The following DUSP10 variants were observed in gnomAD, a reference collection of about 807,000 sequenced individuals.
DUSP10 encodes the protein dual specificity protein phosphatase 10.
A neutral mutation model predicts 30.8 loss-of-function variants in DUSP10; 14 were observed. The ratio of observed to expected loss-of-function variants is 0.46; its 90% CI spans 0.30 to 0.71. The LOEUF is 0.71. DUSP10 is among the 30% of genes least tolerant of loss of function. The pLI, the probability that DUSP10 is intolerant of heterozygous loss-of-function variation, is 0.08. For missense variants in DUSP10, 550 were observed against 619.4 expected (o/e 0.89, Z 1.19); for synonymous variants, 254 against 250.4 (o/e 1.01, Z -0.14).
chr1:221,721,814 C>T (rs906625754), intron 2 of DUSP10, among the ~76,000 whole-genome samples: 5 of 152,138 alleles, frequency 3.3e-5, no homozygotes, highest in Admixed American at 2.6e-4. Flanking sequence ...GAGGGGCCCT[C>T]AATTCAGTTT....
chr1:221,740,040 C>G (rs999227546), intron 1 of DUSP10, among the ~76,000 whole-genome samples: 1 of 152,122 alleles, frequency 6.6e-6, no homozygotes, highest in Non-Finnish European at 1.5e-5. Context: ...TAATGAACAA[C>G]CTTTCCTGGA....
At position 221,739,327 on chromosome 1, in the gene DUSP10, T is replaced by G. The variant is rs1571835744; in HGVS notation, c.418A>C (p.Thr140Pro). 1 of 1,613,930 alleles carries G rather than the reference T, an allele frequency of 6.2e-7. No individual in the cohort carries two copies. The highest frequency in any genetic ancestry group is 8.5e-7 in the Non-Finnish European group (1 of 1,179,948). Residue 140 changes from threonine (T) to proline (P), a missense_variant, in exon 2 of 4, where the codon ACC (threonine) becomes CCC (proline). Coordinates refer to ENST00000366899, the MANE Select transcript of DUSP10 (RefSeq NM_007207.6). ...SSGVGSPVSG[T>P]PKQLASIKII... ...TTGATGCTGGCTAGCTGCTTGGGGGTCCCTGACACAGGGCTGCCCACCCCA... is the reference window on the plus strand; with the variant it reads ...TTGATGCTGGCTAGCTGCTTGGGGGGCCCTGACACAGGGCTGCCCACCCCA...
rs375530407 is a variant in DUSP10, at chr1:221,740,499, C to G, written c.-43-712G>C. On this transcript the variant is annotated intron_variant, in intron 1 of 3. Coordinates refer to ENST00000366899, the MANE Select transcript of DUSP10 (RefSeq NM_007207.6). ...TTCACTACTAACTGGTGTCCTAAAACGAAATCTCAAGCCATGGAGCCAGAT... is the reference window on the plus strand; with the variant it reads ...TTCACTACTAACTGGTGTCCTAAAAGGAAATCTCAAGCCATGGAGCCAGAT... Among the ~76,000 whole-genome samples, 4 of 152,286 alleles carry G rather than the reference C, an allele frequency of 2.6e-5. 1 individual carries two copies.
chr1:221,724,496 C>T (rs1661368330), intron 2 of DUSP10, among the ~76,000 whole-genome samples: 1 of 152,062 alleles, frequency 6.6e-6, no homozygotes, highest in Non-Finnish European at 1.5e-5. Flanking sequence ...TATATAAAGT[C>T]TTGAAATCTG....
chr1:221,721,001 C>T (rs1377753378), intron 2 of DUSP10, among the ~76,000 whole-genome samples: 1 of 152,184 alleles, frequency 6.6e-6, no homozygotes, highest in Non-Finnish European at 1.5e-5. Context: ...GTTTGGTGCA[C>T]TAGGGCCAGA....
chr1:221,741,662 C>A (rs1661958606), intron 1 of DUSP10, among the ~76,000 whole-genome samples: 1 of 151,920 alleles, frequency 6.6e-6, no homozygotes, highest in Admixed American at 6.6e-5. Flanking sequence ...CGGCACACAG[C>A]GCACTAATGA....
At chr1:221,704,325 A>G (rs1660693491) in intron 3 of DUSP10, among the ~76,000 whole-genome samples, 1 of 152,116 alleles carries the variant, frequency 6.6e-6, no homozygotes, top group Non-Finnish European at 1.5e-5. Context: ...TTAAAAAAAA[A>G]AAAAAAAAGG....
At chr1:221,729,453 C>A (rs1347488246) in intron 2 of DUSP10, among the ~76,000 whole-genome samples, 1 of 152,172 alleles carries the variant, frequency 6.6e-6, no homozygotes, top group Non-Finnish European at 1.5e-5. Context: ...GCTTTGAAAT[C>A]ATAAGAACTG....
At chr1:221,707,859 G>A (rs1190086265) in intron 2 of DUSP10, among the ~76,000 whole-genome samples, 1 of 152,110 alleles carries the variant, frequency 6.6e-6, no homozygotes, top group East Asian at 1.9e-4. Flanking sequence ...CTGAAGAACT[G>A]TACAAAAAAC....
chr1:221,724,995 C>T (rs1047943424), intron 2 of DUSP10, among the ~76,000 whole-genome samples: 3 of 152,166 alleles, frequency 2.0e-5, no homozygotes, highest in African/African-American at 7.2e-5. Context: ...AAAAGACACC[C>T]CAAAAGCAGT....
chr1:221,711,525 T>C (rs1660937438), intron 2 of DUSP10: 1 of 152,220 alleles, frequency 6.6e-6, no homozygotes, highest in African/African-American at 2.4e-5. Flanking sequence ...GCCTAGTTTT[T>C]CTTACTGAGT....
Position 221,702,508 on chromosome 1 carries a change from G to A in DUSP10, c.1353C>T (p.Phe451=). 1 of 1,614,130 alleles carries A rather than the reference G, an allele frequency of 6.2e-7. No individual in the cohort carries two copies. The highest frequency in any genetic ancestry group is 8.5e-7 in the Non-Finnish European group (1 of 1,180,030). The change falls in exon 4 of 4, where the codon TTC becomes TTT. Residue 451 remains phenylalanine, a synonymous_variant. Transcript: ENST00000366899. The surrounding 1 kb of genome is among the most constrained non-coding windows in gnomAD (Gnocchi z 4.5). Reference sequence around the variant, plus strand: ...CCTCGAACTCTAGCAACTGCCCCATGAAGTTAAGGTTTGGGGAGATAATTG... The same window carrying A: ...CCTCGAACTCTAGCAACTGCCCCATAAAGTTAAGGTTTGGGGAGATAATTG... ...KRPIISPNLN[F]MGQLLEFEED...
intron 2 of DUSP10, among the ~76,000 whole-genome samples, chr1:221,732,696 G>A (rs1046334977): frequency 2.6e-5 from 4 of 152,096 alleles, no homozygotes; most frequent in African/African-American, 9.7e-5. Context: ...TCCTGTAGTG[G>A]CATAATGAGA....
chr1:221,736,924 CA>C, intron 2 of DUSP10: 1 of 985,466 alleles, frequency 1.0e-6, no homozygotes, highest in East Asian at 1.1e-4. Context: ...AGTGGCTGCC[CA>C]GGGCGCCCAG....
At chr1:221,726,675 T>C (rs1364438421) in intron 2 of DUSP10, among the ~76,000 whole-genome samples, 1 of 146,008 alleles carries the variant, frequency 6.8e-6, no homozygotes, top group Non-Finnish European at 1.5e-5. Context: ...AAATAGCATA[T>C]AATTTTTCAG....
intron 2 of DUSP10, among the ~76,000 whole-genome samples, chr1:221,722,752 C>A (rs1242005319): frequency 2.6e-5 from 4 of 152,146 alleles, no homozygotes; most frequent in Non-Finnish European, 4.4e-5. Flanking sequence ...CCTTGCAGAA[C>A]ATGGGCCAGG....
At chr1:221,711,452 G>T (rs545738870) in intron 2 of DUSP10, among the ~76,000 whole-genome samples, 6 of 152,320 alleles carry the variant, frequency 3.9e-5, no homozygotes, top group Admixed American at 1.3e-4. Flanking sequence ...AGGGGGAGGG[G>T]TGTAGGCTAA....
At position 221,706,208 on chromosome 1, in the gene DUSP10, T is replaced by C. The variant is rs774702967; in HGVS notation, c.1070A>G (p.His357Arg). ...NIGYVINVTTHLPLYHYEKGL... is the reference protein window; with the variant it reads ...NIGYVINVTTRLPLYHYEKGL... ...TTTCTCATAGTGGTAGAGGGGAAGA[T>C]GAGTGGTGACGTTGATGACGTAGCC... Residue 357 changes from histidine to arginine, a missense_variant, in exon 3 of 4, where the codon CAT becomes CGT. Transcript: ENST00000366899. This position sits in a 1 kb window ranked among gnomAD's most constrained non-coding sequence, Gnocchi z 4.6. 6.2e-6 allele frequency: 10 copies of C among 1,613,974 alleles called. No homozygotes were observed. Among genetic ancestry groups the C allele is most frequent in the South Asian group, 1.1e-5 (1 of 91,078 alleles).
At chr1:221,715,478 G>C (rs532132875) in intron 2 of DUSP10, among the ~76,000 whole-genome samples, 2 of 152,288 alleles carry the variant, frequency 1.3e-5, no homozygotes, top group Non-Finnish European at 2.9e-5. Flanking sequence ...CCCCTGAAGG[G>C]AGGTGCAGTT....
Sources: gnomAD v4.1 joint callset for allele counts (sites outside exome capture counted in the v4.1 genomes callset) on GRCh38, gnomAD v4.1.1 for gene constraint, Gnocchi (gnomAD v3.1) non-coding constraint, MANE v1.5 for transcripts, NCBI Gene and HGNC (gene_info 2026-07-23, HGNC 2026-07-21) for gene names.